Variants in TANGO6 observed in about 807,000 individuals in gnomAD.
The protein encoded by TANGO6 is transport and golgi organization 6 homolog.
Under a neutral mutation model 114.2 loss-of-function variants are expected in TANGO6, and 90 were observed. The ratio of observed to expected loss-of-function variants is 0.79; its 90% CI spans 0.66 to 0.94. The LOEUF (loss-of-function observed/expected upper bound fraction) is 0.94, where lower values mean the gene tolerates loss of function less well. Ranked by LOEUF, TANGO6 falls within the 40% of genes least tolerant of loss-of-function variation. The probability of loss-of-function intolerance (pLI) is 0.00; values close to 1 mark genes in which losing one functional copy is unlikely to be tolerated. For missense variants in TANGO6, 1,274 were observed against 1,315.3 expected, an observed-to-expected ratio of 0.97 and a Z score of 0.49; for synonymous variants, 477 against 509.8, an observed-to-expected ratio of 0.94 and a Z score of 0.87.
At chr16:68,920,116 T>A (rs189264228) in intron 12 of TANGO6, among the ~76,000 whole-genome samples, 136 of 152,272 alleles carry the variant, frequency 8.9e-4, no homozygotes, top group Non-Finnish European at 1.8e-3. Flanking sequence ...GCTAGGGTGC[T>A]GGGAATACAG....
rs1169758365 is a variant in TANGO6, at chr16:68,867,069, T to A, written c.853-10T>A. On this transcript the variant is annotated splice_polypyrimidine_tract_variant and intron_variant, in intron 3 of 17. Coordinates refer to ENST00000261778, the MANE Select transcript of TANGO6 (RefSeq NM_024562.2). ...GACATTCAGAATTCACACCTTCTTC[T>A]TTTTCTCAGTCCTGCACAGATGTGA... 1 of 1,606,684 alleles carries A rather than the reference T, an allele frequency of 6.2e-7. No individual in the cohort carries two copies. Among genetic ancestry groups the A allele is most frequent in the African/African-American group, 1.3e-5 (1 of 74,382 alleles).
chr16:68,888,290 C>T (rs1199035480), intron 7 of TANGO6, among the ~76,000 whole-genome samples: 2 of 152,132 alleles, frequency 1.3e-5, no homozygotes, highest in Non-Finnish European at 2.9e-5. Flanking sequence ...ATTCTTTGCC[C>T]TCCCTGGTAT....
intron 16 of TANGO6, chr16:69,026,077 C>A (rs1959497115): frequency 6.6e-6 from 1 of 152,016 alleles, no homozygotes; most frequent in African/African-American, 2.4e-5. Context: ...TCTCAGCTCA[C>A]TGCAACCTCC....
Position 68,867,114 on chromosome 16 carries a change from G to A in TANGO6, c.888G>A (p.Arg296=), listed in dbSNP as rs748516502. 4 of 1,613,568 alleles carry A rather than the reference G, an allele frequency of 2.5e-6. No homozygotes were observed. The African/African-American group carries it at 5.3e-5, about 22-fold the overall frequency. Residue 296 remains arginine (R), a synonymous_variant, in exon 4 of 18, where the codon CGG becomes CGA. Coordinates refer to ENST00000261778, the MANE Select transcript of TANGO6 (RefSeq NM_024562.2). ...ATGTGAAGACACAGATGAGGTGTCG[G>A]GCCCCAGCTTGGCTTCGGCGTCTAT... ...CTDVKTQMRC[R]APAWLRRLCG... is the part of the protein sequence containing the mutation.
Position 68,880,584 on chromosome 16 carries a change from T to C in TANGO6, c.1331T>C (p.Leu444Ser). 6.2e-7 allele frequency: 1 copy of C among 1,613,088 alleles called. No individual in the cohort carries two copies. The highest frequency in any genetic ancestry group is 1.1e-5 in the South Asian group (1 of 90,912). Residue 444 changes from leucine to serine, a missense_variant, in exon 7 of 18, where the codon TTG (leucine) becomes TCG (serine). By Grantham distance (145) the Leu-to-Ser change is moderately radical. Transcript: ENST00000261778. ...SESDMVPGTI[L>S]VTEEELSRCI... ...AGTGACATGGTACCAGGAACTATTT[T>C]GGTGACAGAAGAAGAACTTAGTAGA...
chr16:68,965,793 T>C (rs1332844745), intron 14 of TANGO6, among the ~76,000 whole-genome samples: 1 of 152,032 alleles, frequency 6.6e-6, no homozygotes, highest in Non-Finnish European at 1.5e-5. Context: ...AGCAAAACTC[T>C]GTCTCAAAAT....
chr16:68,960,479 T>A (rs1256961308), intron 14 of TANGO6, among the ~76,000 whole-genome samples: 1 of 151,434 alleles, frequency 6.6e-6, no homozygotes, highest in East Asian at 1.9e-4. Context: ...TTAAATTATT[T>A]TTTATTTAAT....
At chr16:69,082,140 C>A (rs1170292286) in intron 17 of TANGO6, among the ~76,000 whole-genome samples, 1 of 152,162 alleles carries the variant, frequency 6.6e-6, no homozygotes, top group African/African-American at 2.4e-5. Context: ...CCTGCCACCA[C>A]GCCCAGCTAA....
At chr16:68,904,197 C>CCTGG (rs1962819930) in intron 9 of TANGO6, among the ~76,000 whole-genome samples, 1 of 152,120 alleles carries the variant, frequency 6.6e-6, no homozygotes, top group African/African-American at 2.4e-5. Flanking sequence ...ACCTCTGCCT[C>CCTGG]CTGGGTTCAA....
intron 14 of TANGO6, among the ~76,000 whole-genome samples, chr16:68,972,471 T>G (rs568755617): frequency 1.1e-4 from 16 of 152,284 alleles, no homozygotes; most frequent in Non-Finnish European, 1.9e-4. Flanking sequence ...AAGTATAGAT[T>G]TCTCAAGCAT....
chr16:68,944,772 A>G (rs1408752927), intron 14 of TANGO6, among the ~76,000 whole-genome samples: 1 of 152,254 alleles, frequency 6.6e-6, no homozygotes, highest in Non-Finnish European at 1.5e-5. Context: ...CAAATAAAAT[A>G]TAAGGACAAA....
intron 4 of TANGO6, among the ~76,000 whole-genome samples, chr16:68,869,694 A>G (rs1195876586): frequency 1.3e-5 from 2 of 152,128 alleles, no homozygotes; most frequent in Admixed American, 6.5e-5. Flanking sequence ...TTAGTTTCCT[A>G]TTGTTACTGC....
In TANGO6 at chr16:68,897,579, AT is replaced by A. The variant is rs36068754; in HGVS notation, c.1378-2839del. Among the ~76,000 whole-genome samples, 526 of 141,494 alleles carry A rather than the reference AT, an allele frequency of 3.7e-3. 1 individual carries two copies. The highest frequency in any genetic ancestry group is 0.011 in the East Asian group (54 of 4,934). 92.8% of individuals were successfully genotyped at this position (141,494 alleles called of 152,430 possible). ...GAAGAAACAAACAAAAAATTAGCGGATTTTTTTTTTTTTTTTGAGACGGTGT... is the reference window on the plus strand; with the variant it reads ...GAAGAAACAAACAAAAAATTAGCGGATTTTTTTTTTTTTTTGAGACGGTGT... On this transcript the variant is annotated intron_variant, in intron 7 of 17. Transcript: ENST00000261778.
At position 68,927,753 on chromosome 16, in the gene TANGO6, T is replaced by A; in HGVS notation, c.2313T>A (p.Asp771Glu). The A allele has an allele frequency of 6.2e-7, 1 of 1,613,842 alleles. No individual in the cohort carries two copies. The highest frequency in any genetic ancestry group is 8.5e-7 in the Non-Finnish European group (1 of 1,179,868). ...CCCAAAGTACACTGAACAGAAAAGA[T>A]CTGGAAGGGAAAATAGAAGAGCAGC... Reference protein sequence around the residue: ...MAAQSTLNRKDLEGKIEEQQQ... With the variant: ...MAAQSTLNRKELEGKIEEQQQ... Residue 771 changes from aspartate (D) to glutamate (E), a missense_variant, in exon 13 of 18, where the codon GAT (aspartate) becomes GAA (glutamate). By Grantham distance (45) the Asp-to-Glu change is conservative. This residue lies in a region of TANGO6 where 908 missense variants were observed against 910.2 expected (regional missense o/e 1.00). Transcript: ENST00000261778.
chr16:68,878,757 T>G (rs1486492006), intron 6 of TANGO6, among the ~76,000 whole-genome samples: 1 of 151,090 alleles, frequency 6.6e-6, no homozygotes, highest in Non-Finnish European at 1.5e-5. Context: ...TTAGAGCTAT[T>G]TTTTTTTTAA....
chr16:68,898,072 G>A (rs1449538160), intron 7 of TANGO6, among the ~76,000 whole-genome samples: 1 of 151,998 alleles, frequency 6.6e-6, no homozygotes, highest in African/African-American at 2.4e-5. Context: ...TGGTAAGGAA[G>A]GATGGCTCCA....
chr16:69,006,262 C>T (rs1964091278), intron 15 of TANGO6, among the ~76,000 whole-genome samples: 1 of 152,016 alleles, frequency 6.6e-6, no homozygotes, highest in African/African-American at 2.4e-5. Flanking sequence ...TAGTCCCAAG[C>T]CTTTGGTCTC....
At chr16:68,977,180 A>T (rs748990868) in intron 15 of TANGO6, among the ~76,000 whole-genome samples, 19 of 152,296 alleles carry the variant, frequency 1.2e-4, no homozygotes, top group Non-Finnish European at 2.5e-4. Context: ...GTTTGTATGG[A>T]CATAGCCCTT....
At position 68,880,648 on chromosome 16, in the gene TANGO6, C is replaced by T; in HGVS notation, c.1377+18C>T. On this transcript the variant is annotated intron_variant, in intron 7 of 17. Transcript: ENST00000261778. ...TGTTTAAGGTTGGTAATCTGAGTCA[C>T]TAATGTTTTTATTTACTTCTTATTT... 1.3e-6 allele frequency: 2 copies of T among 1,518,900 alleles called. No homozygotes were observed. The highest frequency in any genetic ancestry group is 2.4e-5 in the East Asian group (1 of 41,582). The allele number at this position is 1,518,900 out of a possible 1,614,324, so 94.1% of individuals were successfully genotyped here.
Sources: gnomAD v4.1 joint callset for allele counts (sites outside exome capture counted in the v4.1 genomes callset) on GRCh38, gnomAD v4.1.1 for gene constraint, gnomAD v4.1.1 regional missense constraint, MANE v1.5 for transcripts, NCBI Gene and HGNC (gene_info 2026-07-23, HGNC 2026-07-21) for gene names.